Variants in FHOD3 observed in about 807,000 individuals in gnomAD.
The protein encoded by FHOD3 is formin homology 2 domain containing 3.
FHOD3 carries 90 observed loss-of-function variants against 173.0 expected under a neutral mutation model. The ratio of observed to expected loss-of-function variants is 0.52; its 90% confidence interval spans 0.44 to 0.62. FHOD3 has a LOEUF of 0.62. Among genes scored for constraint, FHOD3 ranks in the 20% least tolerant of loss-of-function variants. The probability of loss-of-function intolerance (pLI) is 0.00; values close to 1 mark genes in which losing one functional copy is unlikely to be tolerated. For missense variants in FHOD3, 1,945 were observed against 2,034.7 expected, an observed-to-expected ratio of 0.96 and a Z score of 0.85; for synonymous variants, 828 against 823.0, an observed-to-expected ratio of 1.01 and a Z score of -0.10.
intron 5 of FHOD3, among the ~76,000 whole-genome samples, chr18:36,559,537 C>T (rs951628169): frequency 1.3e-4 from 20 of 152,194 alleles, no homozygotes; most frequent in African/African-American, 4.6e-4. Flanking sequence ...CTTCCATACC[C>T]CTCTGCACTA....
intron 10 of FHOD3, among the ~76,000 whole-genome samples, chr18:36,629,763 G>C (rs2034376356): frequency 6.6e-6 from 1 of 152,062 alleles, no homozygotes; most frequent in South Asian, 2.1e-4. Flanking sequence ...AGGGACACAT[G>C]GAGAGGGAGG....
chr18:36,539,921 C>G (rs1165253642), intron 5 of FHOD3, among the ~76,000 whole-genome samples: 1 of 152,162 alleles, frequency 6.6e-6, no homozygotes, highest in African/African-American at 2.4e-5. Flanking sequence ...CTGCACATCC[C>G]TTGAAGCCTT....
intron 4 of FHOD3, among the ~76,000 whole-genome samples, chr18:36,504,167 C>T (rs1358445445): frequency 6.6e-6 from 1 of 152,164 alleles, no homozygotes; most frequent in African/African-American, 2.4e-5. Flanking sequence ...GTGATTCACC[C>T]ACCCAGGCCT....
chr18:36,300,749 C>CT, intron 1 of FHOD3, among the ~76,000 whole-genome samples: 1 of 151,264 alleles, frequency 6.6e-6, no homozygotes, highest in Admixed American at 6.6e-5. Context: ...TTTTCTCTTT[C>CT]TTTTTTGTGA....
At chr18:36,359,544 T>C (rs549748522) in intron 2 of FHOD3, among the ~76,000 whole-genome samples, 2 of 152,344 alleles carry the variant, frequency 1.3e-5, no homozygotes, top group Admixed American at 1.3e-4. Flanking sequence ...CAAGCCACTT[T>C]ACCTCTGATA....
chr18:36,576,964 G>A (rs1231188596), intron 6 of FHOD3, among the ~76,000 whole-genome samples: 1 of 151,978 alleles, frequency 6.6e-6, no homozygotes. Context: ...ATGGTGGCAC[G>A]CGCCTGTAGT....
intron 27 of FHOD3, among the ~76,000 whole-genome samples, chr18:36,765,490 A>C (rs1388712115): frequency 6.6e-6 from 1 of 152,250 alleles, no homozygotes; most frequent in African/African-American, 2.4e-5. Flanking sequence ...GAAGAAAAAT[A>C]GATAATAGCA....
chr18:36,601,472 A>G (rs2031372131), intron 7 of FHOD3, among the ~76,000 whole-genome samples: 1 of 152,160 alleles, frequency 6.6e-6, no homozygotes, highest in South Asian at 2.1e-4. Context: ...GCCTTCTCAG[A>G]GATCTCCATT....
intron 8 of FHOD3, among the ~76,000 whole-genome samples, chr18:36,609,877 GT>G (rs1421127150): frequency 6.6e-6 from 1 of 152,132 alleles, no homozygotes. Flanking sequence ...CCCCAAAAGT[GT>G]TGGAGTTACA....
chr18:36,313,499 C>T (rs960008358), intron 1 of FHOD3, among the ~76,000 whole-genome samples: 29 of 152,216 alleles, frequency 1.9e-4, no homozygotes, highest in Non-Finnish European at 3.2e-4. Context: ...TTGCTTTTTC[C>T]GGAATGCTAT....
rs554542070 is a variant in FHOD3, at chr18:36,449,362, A to G, written c.338-52570A>G. Among the ~76,000 whole-genome samples the G allele has an allele frequency of 2.6e-5, 4 of 152,312 alleles. No homozygotes were observed. In the South Asian group the frequency reaches 8.3e-4, roughly 32 times the overall value. ...TATGGCTTGAATAATTCTGAGCATC[A>G]TTCTAATTTTGTTACATTTCCTTGG... is the stretch of plus-strand genomic sequence containing the variant. On this transcript the variant is annotated intron_variant, in intron 3 of 28. Coordinates refer to ENST00000590592, the MANE Select transcript of FHOD3 (RefSeq NM_001281740.3).
At chr18:36,690,884 T>C (rs2038922402) in intron 16 of FHOD3, among the ~76,000 whole-genome samples, 1 of 152,160 alleles carries the variant, frequency 6.6e-6, no homozygotes, top group Admixed American at 6.5e-5. Flanking sequence ...CTGAACCTCT[T>C]TATCCATGAA....
intron 4 of FHOD3, among the ~76,000 whole-genome samples, chr18:36,503,492 A>G (rs112122712): frequency 4.2e-4 from 64 of 152,296 alleles, no homozygotes; most frequent in Middle Eastern, 3.4e-3. Context: ...ACTGTGTTCA[A>G]TCATACCACG....
intron 3 of FHOD3, among the ~76,000 whole-genome samples, chr18:36,455,780 A>G (rs1014479180): frequency 2.6e-5 from 4 of 152,114 alleles, no homozygotes; most frequent in Admixed American, 1.3e-4. Context: ...GGCTGCAGCT[A>G]CCCTAAGTGG....
chr18:36,298,944 T>C (rs1032164764), intron 1 of FHOD3, among the ~76,000 whole-genome samples: 1 of 152,152 alleles, frequency 6.6e-6, no homozygotes, highest in Admixed American at 6.5e-5. Flanking sequence ...CAGTATTTTT[T>C]CTGCCTAGGA....
At chr18:36,524,908 T>C (rs1326458870) in intron 5 of FHOD3, among the ~76,000 whole-genome samples, 7 of 152,154 alleles carry the variant, frequency 4.6e-5, no homozygotes, top group Non-Finnish European at 7.3e-5. Context: ...GAGTAAAGGG[T>C]AGCAGAGAAC....
chr18:36,366,754 C>G (rs2145966826), intron 2 of FHOD3, among the ~76,000 whole-genome samples: 1 of 152,220 alleles, frequency 6.6e-6, no homozygotes, highest in South Asian at 2.1e-4. Flanking sequence ...TCTCTTTATC[C>G]CTGAGATGGA....
At chr18:36,767,157 T>C (rs1288772438) in intron 27 of FHOD3, among the ~76,000 whole-genome samples, 4 of 152,208 alleles carry the variant, frequency 2.6e-5, no homozygotes, top group African/African-American at 7.2e-5. Context: ...GAGTCTATTT[T>C]TTAAAGGATT....
intron 5 of FHOD3, among the ~76,000 whole-genome samples, chr18:36,521,681 C>G (rs1366934791): frequency 6.6e-6 from 1 of 152,186 alleles, no homozygotes; most frequent in African/African-American, 2.4e-5. Context: ...TCCTGCCTCC[C>G]TTTGGCCCAT....
Sources: allele counts gnomAD v4.1 joint callset (sites outside exome capture counted in the v4.1 genomes callset), GRCh38; gene constraint gnomAD v4.1.1; transcripts MANE v1.5; gene names NCBI Gene and HGNC (gene_info 2026-07-23, HGNC 2026-07-21).